Variants in MCM9 observed in about 807,000 individuals in gnomAD.
MCM9 encodes minichromosome maintenance 9 homologous recombination repair factor, also known as DNA helicase MCM9.
MCM9 carries 55 observed loss-of-function variants against 72.8 expected under a neutral mutation model. The ratio of observed to expected loss-of-function variants is 0.76; its 90% CI spans 0.61 to 0.95. The LOEUF (loss-of-function observed/expected upper bound fraction) is 0.95, where lower values mean the gene tolerates loss of function less well. Ranked by LOEUF, MCM9 falls within the 40% of genes least tolerant of loss-of-function variation. The probability of loss-of-function intolerance (pLI) is 0.00; values close to 1 mark genes in which losing one functional copy is unlikely to be tolerated. For missense variants in MCM9, 1,279 were observed against 1,377.0 expected, an observed-to-expected ratio of 0.93 and a Z score of 1.13; for synonymous variants, 480 against 503.4, an observed-to-expected ratio of 0.95 and a Z score of 0.62.
chr6:118,909,486 G>GT (rs1000202408), intron 8 of MCM9, among the ~76,000 whole-genome samples: 1 of 151,972 alleles, frequency 6.6e-6, no homozygotes, highest in Admixed American at 6.6e-5. Flanking sequence ...TAGCACATAA[G>GT]TTTTTTTTCC....
intron 8 of MCM9, among the ~76,000 whole-genome samples, chr6:118,880,151 T>C (rs1448972522): frequency 6.6e-6 from 1 of 151,546 alleles, no homozygotes; most frequent in Non-Finnish European, 1.5e-5. Flanking sequence ...GTTTGTAACA[T>C]TGGGTCTGTT....
intron 1 of MCM9, among the ~76,000 whole-genome samples, chr6:118,933,172 C>T (rs1005814165): frequency 2.0e-5 from 3 of 152,146 alleles, no homozygotes; most frequent in South Asian, 2.1e-4. Context: ...AGAAGTAGCA[C>T]TGGACAGTTA....
chr6:118,888,046 T>C (rs1778709094), intron 8 of MCM9, among the ~76,000 whole-genome samples: 1 of 152,168 alleles, frequency 6.6e-6, no homozygotes, highest in South Asian at 2.1e-4. Flanking sequence ...TCTTTAGCCA[T>C]CAGGGAAATA....
chr6:118,849,915 A>T (rs192907714), intron 9 of MCM9, among the ~76,000 whole-genome samples: 63 of 151,992 alleles, frequency 4.1e-4, no homozygotes, highest in African/African-American at 1.5e-3. Context: ...CAAATCAGAA[A>T]CCAATGAATA....
At chr6:118,893,828 TCAAAAAAC>T (rs1779116943) in intron 8 of MCM9, among the ~76,000 whole-genome samples, 1 of 126,640 alleles carries the variant, frequency 7.9e-6, no homozygotes, top group Admixed American at 8.5e-5. Context: ...GAGCGTTAAA[TCAAAAAAC>T]CAAAAAAACA....
intron 9 of MCM9, among the ~76,000 whole-genome samples, chr6:118,853,157 G>C (rs565630189): frequency 9.2e-4 from 140 of 152,184 alleles, no homozygotes; most frequent in African/African-American, 3.3e-3. Context: ...GGATAGTCAA[G>C]TGTTCTAGCA....
chr6:118,885,224 G>C (rs1164898406), intron 8 of MCM9, among the ~76,000 whole-genome samples: 1 of 151,022 alleles, frequency 6.6e-6, no homozygotes, highest in Non-Finnish European at 1.5e-5. Flanking sequence ...TCTCAAAAAT[G>C]AATAAATAAA....
rs577418241 is a variant in MCM9, at chr6:118,886,584, T to C, written c.1150+25066A>G. ...AAAGAAGAATCTGAATTTAGAAAAA[T>C]ATTTCCATTACAATAGCATCAAAAA... is the stretch of plus-strand genomic sequence containing the variant. On this transcript the variant is annotated intron_variant, in intron 8 of 13. Transcript: ENST00000619706. Among the ~76,000 whole-genome samples, 3 of 151,460 alleles carry C rather than the reference T, an allele frequency of 2.0e-5. No individual in the cohort carries two copies. The East Asian group carries it at 5.8e-4, about 29-fold the overall frequency.
intron 8 of MCM9, among the ~76,000 whole-genome samples, chr6:118,873,178 G>A: frequency 1.3e-5 from 1 of 78,640 alleles, no homozygotes; most frequent in Non-Finnish European, 3.2e-5. Flanking sequence ...AGGGAAGAAG[G>A]GAGGGGAGGG....
intron 13 of MCM9, among the ~76,000 whole-genome samples, chr6:118,824,982 C>T (rs556426806): frequency 6.6e-6 from 1 of 152,226 alleles, no homozygotes; most frequent in Admixed American, 6.5e-5. Context: ...CCTTTCTTTC[C>T]CTCCAGGAGG....
intron 8 of MCM9, among the ~76,000 whole-genome samples, chr6:118,876,043 T>A (rs999664681): frequency 6.6e-6 from 1 of 152,234 alleles, no homozygotes; most frequent in African/African-American, 2.4e-5. Context: ...TATCATTCAT[T>A]GTTAAACACA....
At chr6:118,887,745 T>C (rs944581517) in intron 8 of MCM9, among the ~76,000 whole-genome samples, 11 of 151,874 alleles carry the variant, frequency 7.2e-5, no homozygotes, top group Admixed American at 5.3e-4. Flanking sequence ...AAGACCTGTA[T>C]GTAGAACACA....
chr6:118,845,702 T>G (rs1171185384), intron 9 of MCM9, among the ~76,000 whole-genome samples: 1 of 151,870 alleles, frequency 6.6e-6, no homozygotes, highest in Non-Finnish European at 1.5e-5. Context: ...CAGCTGAATT[T>G]GTAGGCCAGC....
intron 8 of MCM9, among the ~76,000 whole-genome samples, chr6:118,882,302 A>T (rs1028587013): frequency 1.8e-4 from 27 of 152,208 alleles, no homozygotes; most frequent in Admixed American, 6.5e-4. Flanking sequence ...GGGAAAGGAA[A>T]ATCTGAATCT....
intron 4 of MCM9, 124 bp from the exon 5 acceptor site, chr6:118,922,210 GGGATT>G: frequency 1.6e-6 from 1 of 634,268 alleles, no homozygotes; most frequent in Non-Finnish European, 2.5e-6. Flanking sequence ...AATTATAATG[GGGATT>G]TAAGTAATTT....
At position 118,826,636 on chromosome 6, in the gene MCM9, C is replaced by T. The variant is rs1774186624; in HGVS notation, c.1815+146G>A. On this transcript the variant is annotated intron_variant, in intron 12 of 13. Coordinates refer to ENST00000619706, the MANE Select transcript of MCM9 (RefSeq NM_017696.3). ...GGACACTGTTTCCTCTTCATTTAAT[C>T]GGTTACCTTTGGATATATTTCCAGG... 6.1e-6 allele frequency: 4 copies of T among 653,912 alleles called. No homozygotes were observed. The Admixed American group carries it at 9.6e-5, about 16-fold the overall frequency. The allele number at this position is 653,912 out of a possible 1,614,324, so 40.5% of individuals were successfully genotyped here.
At chr6:118,826,111 T>C (rs1774150936) in intron 13 of MCM9, 36 bp downstream of exon 13, 1 of 1,528,144 alleles carries the variant, frequency 6.5e-7, no homozygotes, top group African/African-American at 1.4e-5. Context: ...AACAAGGATT[T>C]TCCATTGTAT....
At chr6:118,848,084 T>C (rs1775994229) in intron 9 of MCM9, among the ~76,000 whole-genome samples, 1 of 151,896 alleles carries the variant, frequency 6.6e-6, no homozygotes, top group South Asian at 2.1e-4. Flanking sequence ...GAGATGATGA[T>C]GATGCCCTGG....
At chr6:118,842,112 C>T (rs945032962) in intron 9 of MCM9, among the ~76,000 whole-genome samples, 3 of 152,158 alleles carry the variant, frequency 2.0e-5, no homozygotes, top group South Asian at 2.1e-4. Context: ...GCATTACAGG[C>T]GTGAGACACC....
Sources: gnomAD v4.1 joint callset for allele counts (sites outside exome capture counted in the v4.1 genomes callset) on GRCh38, gnomAD v4.1.1 for gene constraint, MANE v1.5 for transcripts, NCBI Gene and HGNC (gene_info 2026-07-23, HGNC 2026-07-21) for gene names.